The following ZNF875 variants were observed in gnomAD, a reference collection of about 807,000 sequenced individuals.
ZNF875 encodes the protein zinc finger protein 875, also known as HKR1, GLI-Kruppel zinc finger family member.
In ZNF875, 14 loss-of-function variants were observed where a neutral mutation model predicts 11.2. The observed-to-expected ratio is 1.26, with a 90% CI of 0.83 to 1.96. The LOEUF (loss-of-function observed/expected upper bound fraction) is 1.96. Among genes scored for constraint, ZNF875 ranks in the 30% most tolerant of loss-of-function variants. The pLI is 0.00. For synonymous variants in ZNF875, 301 were observed against 281.1 expected (o/e 1.07, Z -0.71); for missense variants, 752 against 760.4 (o/e 0.99, Z 0.13).
intron 1 of ZNF875, among the ~76,000 whole-genome samples, chr19:37,320,879 A>G (rs973952954): frequency 2.0e-5 from 3 of 152,160 alleles, no homozygotes; most frequent in Middle Eastern, 3.2e-3. Context: ...TACTAAGAAA[A>G]ATTATTCTGC....
chr19:37,345,211 A>G (rs892875040), intron 2 of ZNF875, among the ~76,000 whole-genome samples: 5 of 152,132 alleles, frequency 3.3e-5, no homozygotes, highest in Admixed American at 6.6e-5. Context: ...TTAAAACACC[A>G]CCCAGGTAGC....
chr19:37,332,414 G>A (rs930744870), upstream of ZNF875, among the ~76,000 whole-genome samples: 4 of 152,004 alleles, frequency 2.6e-5, no homozygotes, highest in African/African-American at 7.2e-5. Flanking sequence ...ATGGGGTTTC[G>A]CAATGTTGGC....
At position 37,319,369 on chromosome 19, in the gene ZNF875, A is replaced by ATATATATATATATATATATATATATATG. The variant is rs56256521; in HGVS notation, c.-747+1183_-747+1184insTATATATATATATATATATATATATATG. Among the ~76,000 whole-genome samples the ATATATATATATATATATATATATATATG allele has an allele frequency of 3.6e-5, 5 of 139,958 alleles. No homozygotes were observed. In the South Asian group the frequency reaches 1.2e-3, roughly 32 times the overall value. The allele number at this position is 139,958 out of a possible 152,430, so 91.8% of individuals were successfully genotyped here. A position where few individuals can be genotyped will look rare whatever the true frequency, so the allele number is the denominator to read the frequency against. ...CATATATATATATATATATATATAT[A>ATATATATATATATATATATATATATATG]ATAAAAATGGTAATGACACTATCTC... On this transcript the variant is annotated intron_variant, in intron 1 of 5. Transcript: ENST00000544914.
intron 4 of ZNF875, 134 bp from the exon 5 acceptor site, chr19:37,361,975 C>A: frequency 6.3e-6 from 4 of 631,016 alleles, no homozygotes; most frequent in South Asian, 2.0e-5. Context: ...AAAATAGATG[C>A]TGGGAAGGAT....
rs146330869 is a variant in ZNF875 at position 37,363,538 on chromosome 19, C to T, written c.1686C>T (p.Cys562=). The part of the protein sequence containing the change: ...HKRAHSGAFV[C]RECGQGFCAK... ...GGGCACACTCAGGTGCCTTTGTGTG[C>T]AGGGAGTGTGGGCAAGGCTTTTGTG... Residue 562 remains cysteine (C), a synonymous_variant, in exon 5 of 5, where the codon TGC becomes TGT. Coordinates refer to ENST00000392153, the MANE Select transcript of ZNF875 (RefSeq NM_001353803.2). The T allele has an allele frequency of 0.024, 39,086 of 1,613,322 alleles. 550 individuals are homozygous for T. Among genetic ancestry groups the T allele is most frequent in the Middle Eastern group, 0.033 (198 of 6,054 alleles).
At chr19:37,315,451 G>T (rs1403722857), upstream of ZNF875, 1 of 152,200 alleles carries the variant, frequency 6.6e-6, no homozygotes, top group Non-Finnish European at 1.5e-5. Context: ...GGAGGTATGG[G>T]CTTCTGGACT....
At position 37,349,964 on chromosome 19, in the gene ZNF875, CTT is replaced by C. The variant is rs34941573; in HGVS notation, c.256+2110_256+2111del. On this transcript the variant is annotated intron_variant, in intron 4 of 4. Transcript: ENST00000392153. ...GCCACCACGCCCGGCCCCCACTGGC[CTT>C]TTTTTTTTTTTTTTTTTAATACAGA... Among the ~76,000 whole-genome samples, 35 of 77,536 alleles carry C rather than the reference CTT, an allele frequency of 4.5e-4. 1 individual carries two copies. Among genetic ancestry groups the C allele is most frequent in the Admixed American group, 1.2e-3 (9 of 7,380 alleles). The allele number at this position is 77,536 out of a possible 152,430, so 50.9% of individuals were successfully genotyped here. A position where few individuals can be genotyped will look rare whatever the true frequency, so the allele number is the denominator to read the frequency against.
At chr19:37,347,435 T>C (rs2146281029) in intron 3 of ZNF875, 119 bp downstream of exon 3, 1 of 965,538 alleles carries the variant, frequency 1.0e-6, no homozygotes. Context: ...AACAATTTAC[T>C]TTTTTCCTCT....
chr19:37,332,908 C>T (rs1421718167), upstream of ZNF875, among the ~76,000 whole-genome samples: 3 of 152,092 alleles, frequency 2.0e-5, no homozygotes, highest in Non-Finnish European at 2.9e-5. Context: ...TTCAGATTTA[C>T]AAGGGTAACT....
At chr19:37,314,925 G>T (rs1650613969), upstream of ZNF875, 1 of 152,022 alleles carries the variant, frequency 6.6e-6, no homozygotes, top group Admixed American at 6.6e-5. Flanking sequence ...GCCACCCATT[G>T]AAAGTGTAAA....
At chr19:37,341,794 T>A (rs2035776137) in intron 2 of ZNF875, among the ~76,000 whole-genome samples, 2 of 152,200 alleles carry the variant, frequency 1.3e-5, no homozygotes, top group South Asian at 4.1e-4. Flanking sequence ...ACTGGATCCT[T>A]TTTGAGTCAG....
chr19:37,346,325 G>C (rs1396071819), intron 2 of ZNF875: 1 of 152,142 alleles, frequency 6.6e-6, no homozygotes, highest in African/African-American at 2.4e-5. Flanking sequence ...CTAATTCAGT[G>C]CCTGAGGTTA....
chr19:37,347,741 A>C, intron 3 of ZNF875, 36 bp from the exon 4 acceptor site: 7 of 1,360,674 alleles, frequency 5.1e-6, no homozygotes, highest in Non-Finnish European at 6.3e-6. Context: ...TTGAGCCCAT[A>C]ACCAACAATG....
At chr19:37,322,001 T>C (rs2031568696) in intron 1 of ZNF875, among the ~76,000 whole-genome samples, 1 of 152,224 alleles carries the variant, frequency 6.6e-6, no homozygotes, top group Non-Finnish European at 1.5e-5. Flanking sequence ...TCAAAGACTC[T>C]CCCGTATGTT....
intron 4 of ZNF875, among the ~76,000 whole-genome samples, chr19:37,352,705 G>T (rs2038131826): frequency 6.6e-6 from 1 of 151,940 alleles, no homozygotes; most frequent in Non-Finnish European, 1.5e-5. Context: ...TCTACGTTTT[G>T]TTGGAGTATT....
At chr19:37,361,913 T>TA (rs11344990) in intron 4 of ZNF875, 196 bp from the exon 5 acceptor site, 9,649 of 447,694 alleles carry the variant, frequency 0.022, no homozygotes, top group Non-Finnish European at 0.027. Context: ...AGACTCCGTT[T>TA]AAAAAAAAAA....
intron 3 of ZNF875, 34 bp downstream of exon 3, chr19:37,347,350 C>T: frequency 6.3e-7 from 1 of 1,590,258 alleles, no homozygotes; most frequent in South Asian, 1.1e-5. Flanking sequence ...TTAAAATCTG[C>T]CCTACAGAGT....
chr19:37,347,324 T>G lies in ZNF875; in HGVS notation c.160+8T>G, dbSNP rs1454667185. On this transcript the variant is annotated splice_region_variant and intron_variant, in intron 3 of 4. Coordinates refer to ENST00000392153, the MANE Select transcript of ZNF875 (RefSeq NM_001353803.2). ...ACCATCTGGTCTCACTGGGTAAGAATGGCCTCCCTTGGCACTTAAAATCTG... is the reference window on the plus strand; with the variant it reads ...ACCATCTGGTCTCACTGGGTAAGAAGGGCCTCCCTTGGCACTTAAAATCTG... The G allele has an allele frequency of 5.0e-6, 8 of 1,608,022 alleles. No homozygotes were observed. Among genetic ancestry groups the G allele is most frequent in the Non-Finnish European group, 4.3e-6 (5 of 1,176,392 alleles).
intron 4 of ZNF875, among the ~76,000 whole-genome samples, chr19:37,358,839 G>T (rs765202355): frequency 6.6e-6 from 1 of 151,124 alleles, no homozygotes; most frequent in Non-Finnish European, 1.5e-5. Context: ...TTTTAAAATA[G>T]CTTTACTGAG....
Sources: gnomAD v4.1 joint callset for allele counts (sites outside exome capture counted in the v4.1 genomes callset) on GRCh38, gnomAD v4.1.1 for gene constraint, MANE v1.5 for transcripts, NCBI Gene and HGNC (gene_info 2026-07-23, HGNC 2026-07-21) for gene names.